GRB10: variants seen among roughly 807,000 people sequenced by gnomAD.
GRB10 encodes the protein growth factor receptor bound protein 10, also known as growth factor receptor-bound protein 10.
Under a neutral mutation model 80.9 loss-of-function variants are expected in GRB10, and 20 were observed. That is an observed-to-expected ratio of 0.25 (90% confidence interval 0.17 to 0.36). The LOEUF (loss-of-function observed/expected upper bound fraction) is 0.36, where lower values mean the gene tolerates loss of function less well. Among genes scored for constraint, GRB10 ranks in the 10% least tolerant of loss-of-function variants. The pLI is 1.00. For missense variants in GRB10, 548 were observed against 747.7 expected, an observed-to-expected ratio of 0.73 and a Z score of 3.12; for synonymous variants, 291 against 291.5, an observed-to-expected ratio of 1.00 and a Z score of 0.02.
intron 2 of GRB10, among the ~76,000 whole-genome samples, chr7:50,773,825 G>A (rs1463881170): frequency 2.0e-5 from 3 of 152,172 alleles, no homozygotes; most frequent in Admixed American, 6.5e-5. Context: ...ACAAAAAGTA[G>A]TATATACATA....
At chr7:50,763,637 C>T (rs1273459410) in intron 2 of GRB10, among the ~76,000 whole-genome samples, 1 of 152,214 alleles carries the variant, frequency 6.6e-6, no homozygotes, top group Admixed American at 6.5e-5. Context: ...TCCCTCCTCT[C>T]CCCCAGTTCA....
intron 6 of GRB10, among the ~76,000 whole-genome samples, chr7:50,670,652 G>A (rs754600294): frequency 6.6e-6 from 1 of 152,146 alleles, no homozygotes; most frequent in Non-Finnish European, 1.5e-5. Context: ...TACCTGATGT[G>A]TGAAAGTTTT....
chr7:50,752,078 G>C (rs766825288), intron 3 of GRB10, among the ~76,000 whole-genome samples: 1 of 152,154 alleles, frequency 6.6e-6, no homozygotes, highest in South Asian at 2.1e-4. Context: ...CAATCCAGTG[G>C]GGAGAAGCTC....
At chr7:50,755,698 C>T (rs770996423) in intron 3 of GRB10, among the ~76,000 whole-genome samples, 189 bp downstream of exon 3, 5 of 152,120 alleles carry the variant, frequency 3.3e-5, no homozygotes, top group Non-Finnish European at 5.9e-5. Context: ...CAGGCAGAGC[C>T]GAGCCAAGGA....
intron 3 of GRB10, among the ~76,000 whole-genome samples, chr7:50,738,374 C>T (rs774127030): frequency 4.6e-5 from 7 of 152,174 alleles, no homozygotes; most frequent in Non-Finnish European, 1.0e-4. Context: ...AAGGTGGAAG[C>T]AACCTAAGTG....
Position 50,595,541 on chromosome 7 carries a change from GA to G in GRB10, c.1545-12del. 2 of 1,482,664 alleles carry G rather than the reference GA, an allele frequency of 1.3e-6. No homozygotes were observed. The highest frequency in any genetic ancestry group is 1.9e-6 in the Non-Finnish European group (2 of 1,060,976). 91.8% of individuals were successfully genotyped at this position (1,482,664 alleles called of 1,614,324 possible). A position where few individuals can be genotyped will look rare whatever the true frequency, so the allele number is the denominator to read the frequency against. ...CGGAGGAGAAAAAGCCTGGGGAAGG[GA>G]AAATAGTTGATTGCTAAAATATTTT... is the stretch of plus-strand genomic sequence containing the variant. On this transcript the variant is annotated splice_polypyrimidine_tract_variant and intron_variant, in intron 17 of 18. Transcript: ENST00000401949.
intron 7 of GRB10, among the ~76,000 whole-genome samples, chr7:50,661,855 G>A (rs547332259): frequency 6.6e-5 from 10 of 152,268 alleles, no homozygotes; most frequent in Admixed American, 6.5e-4. Context: ...GCCCAACTCT[G>A]GTCTCACCAG....
At chr7:50,635,581 AG>A (rs1348659991) in intron 7 of GRB10, among the ~76,000 whole-genome samples, 2 of 152,138 alleles carry the variant, frequency 1.3e-5, no homozygotes, top group Non-Finnish European at 2.9e-5. Context: ...AAACCCACAA[AG>A]GATCAATGAA....
intron 7 of GRB10, among the ~76,000 whole-genome samples, chr7:50,649,639 G>A (rs1477203799): frequency 1.3e-5 from 2 of 152,212 alleles, no homozygotes; most frequent in African/African-American, 4.8e-5. Flanking sequence ...GGCTGTGGAT[G>A]ATATGAGGCA....
intron 2 of GRB10, among the ~76,000 whole-genome samples, chr7:50,766,981 T>C (rs1046334867): frequency 6.6e-6 from 1 of 152,198 alleles, no homozygotes; most frequent in African/African-American, 2.4e-5. Flanking sequence ...TGGTAAACAA[T>C]GATTAATGGC....
Position 50,772,845 on chromosome 7 carries a change from C to T in GRB10, c.-217+7782G>A, listed in dbSNP as rs73115463. On this transcript the variant is annotated intron_variant, in intron 2 of 18. Transcript: ENST00000401949. ...CCTGCAGAAAAGGACAAAACAGTTG[C>T]GTATCACATAACTGATAAGAGTATT... Among the ~76,000 whole-genome samples the T allele has an allele frequency of 9.0e-3, 1,364 of 152,292 alleles. 3 individuals are homozygous for T. Among genetic ancestry groups the T allele is most frequent in the Non-Finnish European group, 0.014 (924 of 68,026 alleles).
intron 2 of GRB10, among the ~76,000 whole-genome samples, chr7:50,777,145 A>T (rs1300794232): frequency 6.6e-6 from 1 of 152,198 alleles, no homozygotes; most frequent in Non-Finnish European, 1.5e-5. Context: ...AGATCAAGGC[A>T]CTGGGGTTCA....
chr7:50,740,511 C>A (rs1022238312), intron 3 of GRB10, among the ~76,000 whole-genome samples: 2 of 152,104 alleles, frequency 1.3e-5, no homozygotes, highest in Non-Finnish European at 2.9e-5. Flanking sequence ...AGTCTTAAAT[C>A]ATCATAGAAT....
At chr7:50,766,147 G>C (rs2076318898) in intron 2 of GRB10, among the ~76,000 whole-genome samples, 2 of 152,176 alleles carry the variant, frequency 1.3e-5, no homozygotes, top group South Asian at 2.1e-4. Flanking sequence ...ATCTAAGAAA[G>C]AATGTTTTCA....
chr7:50,782,015 G>A lies in GRB10; in HGVS notation c.-327+409C>T, dbSNP rs1220616933. On this transcript the variant is annotated intron_variant, in intron 1 of 18. Coordinates refer to ENST00000401949, the MANE Select transcript of GRB10 (RefSeq NM_001350814.2). The surrounding 1 kb of genome is among the most constrained non-coding windows in gnomAD (Gnocchi z 6.6). ...ATTATGTTTTTCACAGAAAAAGCCG[G>A]TGCAGTAGCCCGGATGCCCAGATCC... 6.6e-6 allele frequency among the ~76,000 whole-genome samples: 1 copy of A among 152,234 alleles called. No individual in the cohort carries two copies. The highest frequency in any genetic ancestry group is 1.5e-5 in the Non-Finnish European group (1 of 68,028).
intron 3 of GRB10, 35 bp from the exon 4 acceptor site, chr7:50,732,403 G>GAAAAA: frequency 3.3e-6 from 3 of 914,842 alleles, no homozygotes; most frequent in Non-Finnish European, 3.3e-6. Flanking sequence ...AGCCAAGCCA[G>GAAAAA]AAAAAAAAAA....
intron 4 of GRB10, among the ~76,000 whole-genome samples, chr7:50,725,286 G>A (rs2068446692): frequency 6.6e-6 from 1 of 152,158 alleles, no homozygotes; most frequent in African/African-American, 2.4e-5. Context: ...TTTTCCTCCT[G>A]CTCCAGCCAC....
chr7:50,703,697 A>G lies in GRB10; in HGVS notation c.139+124T>C, dbSNP rs189365750. ...TTGGGAATTCACTGTCCTTAATGAGAAAAGAAGAACCAATGTTAGAATTGT... is the reference window on the plus strand; with the variant it reads ...TTGGGAATTCACTGTCCTTAATGAGGAAAGAAGAACCAATGTTAGAATTGT... On this transcript the variant is annotated intron_variant, in intron 5 of 18. Transcript: ENST00000401949. 4 of 720,672 alleles carry G rather than the reference A, an allele frequency of 5.6e-6. No individual in the cohort carries two copies. In the East Asian group the frequency reaches 1.2e-4, roughly 21 times the overall value. The allele number at this position is 720,672 out of a possible 1,614,324, so 44.6% of individuals were successfully genotyped here.
intron 17 of GRB10, among the ~76,000 whole-genome samples, chr7:50,603,261 A>G (rs2047931548): frequency 6.6e-6 from 1 of 152,108 alleles, no homozygotes; most frequent in Non-Finnish European, 1.5e-5. Flanking sequence ...ACTGCATCCC[A>G]TGTCCCTGTC....
Sources: allele counts gnomAD v4.1 joint callset (sites outside exome capture counted in the v4.1 genomes callset), GRCh38; gene constraint gnomAD v4.1.1; non-coding constraint Gnocchi (gnomAD v3.1); transcripts MANE v1.5; gene names NCBI Gene and HGNC (gene_info 2026-07-23, HGNC 2026-07-21).